Variants in OR2L13 observed in about 807,000 individuals in gnomAD.
OR2L13 encodes the protein olfactory receptor family 2 subfamily L member 13.
A neutral mutation model predicts 15.3 loss-of-function variants in OR2L13; 14 were observed. The observed-to-expected ratio is 0.91, with a 90% CI of 0.60 to 1.43. OR2L13 has a LOEUF of 1.43. Among genes scored for constraint, OR2L13 ranks in the 40% most tolerant of loss-of-function variants. The probability of loss-of-function intolerance (pLI) is 0.00; values close to 1 mark genes in which losing one functional copy is unlikely to be tolerated. For synonymous variants in OR2L13, 152 were observed against 142.9 expected, an observed-to-expected ratio of 1.06 and a Z score of -0.45; for missense variants, 367 against 387.9, an observed-to-expected ratio of 0.95 and a Z score of 0.45.
chr1:247,949,603 T>C, the OR2L13 span: 5 of 1,614,042 alleles, frequency 3.1e-6, no homozygotes, highest in Non-Finnish European at 3.4e-6. Flanking sequence ...GTAGTAACTT[T>C]CTACTATGCA....
chr1:247,968,501 C>CA, the OR2L13 span, among the ~76,000 whole-genome samples: 2 of 149,176 alleles, frequency 1.3e-5, no homozygotes, highest in African/African-American at 5.0e-5. Flanking sequence ...CCCAGCCCCC[C>CA]ACCCCCCAAC....
chr1:247,991,010 C>G, the OR2L13 span: 1 of 1,522,398 alleles, frequency 6.6e-7, no homozygotes, highest in Non-Finnish European at 9.1e-7. Flanking sequence ...ACTGTAGTGA[C>G]TTTCTACTAT....
the OR2L13 span, among the ~76,000 whole-genome samples, chr1:248,015,475 G>A: frequency 6.6e-6 from 1 of 152,102 alleles, no homozygotes; most frequent in Non-Finnish European, 1.5e-5. Flanking sequence ...CTTGTTTTAA[G>A]GAATTCAGGC....
At chr1:248,049,702 ATTAT>A in the OR2L13 span, among the ~76,000 whole-genome samples, 4 of 152,188 alleles carry the variant, frequency 2.6e-5, no homozygotes, top group Non-Finnish European at 5.9e-5. Flanking sequence ...TACTTTCTCA[ATTAT>A]TTAACACTTA....
the OR2L13 span, chr1:248,083,738 G>A: frequency 4.3e-6 from 7 of 1,613,812 alleles, no homozygotes; most frequent in South Asian, 3.3e-5. Flanking sequence ...CACTGTAGAT[G>A]AGGGGGTTTA....
the OR2L13 span, chr1:248,029,350 G>C: frequency 6.6e-6 from 1 of 151,896 alleles, no homozygotes; most frequent in Non-Finnish European, 1.5e-5. Flanking sequence ...TAAAAATGAA[G>C]AAATATTACT....
chr1:247,983,204 G>A, the OR2L13 span, among the ~76,000 whole-genome samples: 1 of 152,200 alleles, frequency 6.6e-6, no homozygotes, highest in Non-Finnish European at 1.5e-5. Context: ...ATGTCCACGT[G>A]AAGAGTTTGT....
the OR2L13 span, among the ~76,000 whole-genome samples, chr1:247,985,609 C>A: frequency 6.6e-6 from 1 of 152,052 alleles, no homozygotes; most frequent in Non-Finnish European, 1.5e-5. Context: ...ATTTATAATC[C>A]TTTGGTTATA....
At chr1:247,961,379 A>G in the OR2L13 span, among the ~76,000 whole-genome samples, 121,423 of 152,106 alleles carry the variant, frequency 0.8, 52,657 homozygotes, top group South Asian at 0.95. Flanking sequence ...GGAATTGGGC[A>G]TGTGGACTGT....
At chr1:248,027,506 A>C in the OR2L13 span, among the ~76,000 whole-genome samples, 1 of 152,132 alleles carries the variant, frequency 6.6e-6, no homozygotes, top group East Asian at 1.9e-4. Flanking sequence ...CTGGTTTTAC[A>C]GTTCGGGGGC....
upstream of OR2L13, among the ~76,000 whole-genome samples, chr1:248,093,998 A>T (rs1160206319): frequency 1.3e-5 from 2 of 152,234 alleles, no homozygotes; most frequent in Non-Finnish European, 2.9e-5. Flanking sequence ...CTTAGAATGT[A>T]GTAGCACAAC....
the OR2L13 span, chr1:247,948,931 T>C: frequency 2.5e-6 from 4 of 1,613,838 alleles, no homozygotes; most frequent in Non-Finnish European, 3.4e-6. Flanking sequence ...ATTGACCTTT[T>C]CTTCTTCATT....
chr1:247,978,072 G>C, the OR2L13 span, among the ~76,000 whole-genome samples: 5,884 of 152,126 alleles, frequency 0.039, 346 homozygotes, highest in African/African-American at 0.13. Flanking sequence ...GGAAAATTTT[G>C]TGTCTTACAA....
chr1:248,062,503 G>C, the OR2L13 span: 2 of 152,136 alleles, frequency 1.3e-5, no homozygotes, highest in Admixed American at 6.6e-5. Context: ...TCCTATGCGA[G>C]AGCTAGAATT....
chr1:248,088,910 A>C, the OR2L13 span, among the ~76,000 whole-genome samples: 1 of 152,152 alleles, frequency 6.6e-6, no homozygotes, highest in Non-Finnish European at 1.5e-5. Flanking sequence ...AATCAAATTC[A>C]CAGTGTCTTT....
chr1:248,065,412 C>CTTT, the OR2L13 span, among the ~76,000 whole-genome samples: 4 of 146,448 alleles, frequency 2.7e-5, no homozygotes, highest in African/African-American at 1.0e-4. Flanking sequence ...GAGTATCTTT[C>CTTT]TTTTTTTTTT....
the OR2L13 span, among the ~76,000 whole-genome samples, chr1:248,085,462 G>A: frequency 1.2e-4 from 1 of 8,168 alleles, no homozygotes; most frequent in East Asian, 8.8e-3. Context: ...TGTGTGCAGA[G>A]AAGCACCAAA....
At chr1:248,059,380 T>G in the OR2L13 span, among the ~76,000 whole-genome samples, 1 of 152,200 alleles carries the variant, frequency 6.6e-6, no homozygotes, top group Non-Finnish European at 1.5e-5. Context: ...ATTTAAGAGA[T>G]TGAATTTTCC....
chr1:247,957,083 G>A, the OR2L13 span, among the ~76,000 whole-genome samples: 1 of 152,178 alleles, frequency 6.6e-6, no homozygotes, highest in Non-Finnish European at 1.5e-5. Context: ...CTGTAAGTTT[G>A]TCATAGATAG....
Sources: allele counts gnomAD v4.1 joint callset (sites outside exome capture counted in the v4.1 genomes callset), GRCh38; gene constraint gnomAD v4.1.1; transcripts MANE v1.5; gene names NCBI Gene and HGNC (gene_info 2026-07-23, HGNC 2026-07-21).